The following NDUFAF6 variants were observed in gnomAD, a reference collection of about 807,000 sequenced individuals.
NDUFAF6 encodes NADH dehydrogenase (ubiquinone) complex I, assembly factor 6.
A neutral mutation model predicts 40.8 loss-of-function variants in NDUFAF6; 45 were observed. That is an observed-to-expected ratio of 1.10 (90% CI 0.87 to 1.42). The LOEUF (loss-of-function observed/expected upper bound fraction) is 1.42. NDUFAF6 is among the 40% of genes most tolerant of loss of function. The pLI, the probability that NDUFAF6 is intolerant of heterozygous loss-of-function variation, is 0.00. For missense variants in NDUFAF6, 435 were observed against 418.5 expected, an observed-to-expected ratio of 1.04 and a Z score of -0.34; for synonymous variants, 185 against 155.9, an observed-to-expected ratio of 1.19 and a Z score of -1.39.
At chr8:94,914,705 A>T (rs1172751505) in intron 1 of NDUFAF6, among the ~76,000 whole-genome samples, 3 of 152,120 alleles carry the variant, frequency 2.0e-5, no homozygotes, top group Admixed American at 6.5e-5. Context: ...CAGGTGGATC[A>T]CGGGAGTTCG....
At chr8:95,014,168 C>T (rs1827343752) in intron 2 of NDUFAF6, among the ~76,000 whole-genome samples, 1 of 152,208 alleles carries the variant, frequency 6.6e-6, no homozygotes, top group Admixed American at 6.5e-5. Flanking sequence ...GTGTTCAAGA[C>T]ACCCCAATTT....
chr8:94,905,058 G>A (rs1279329530), intron 1 of NDUFAF6, among the ~76,000 whole-genome samples: 11 of 151,978 alleles, frequency 7.2e-5, no homozygotes, highest in African/African-American at 2.4e-4. Flanking sequence ...CAATTATCTG[G>A]GCCCGGTGGT....
At chr8:94,978,486 TG>T (rs1825151719) in intron 1 of NDUFAF6, among the ~76,000 whole-genome samples, 1 of 152,002 alleles carries the variant, frequency 6.6e-6, no homozygotes, top group Non-Finnish European at 1.5e-5. Context: ...GAGGCCAAGG[TG>T]GGAGGATCAC....
At chr8:94,918,501 A>G (rs183744196) in intron 1 of NDUFAF6, among the ~76,000 whole-genome samples, 5 of 152,248 alleles carry the variant, frequency 3.3e-5, no homozygotes, top group South Asian at 4.1e-4. Flanking sequence ...TCTAGAGGCT[A>G]TTGTTACCCT....
At chr8:95,061,912 C>CT (rs1832580506), downstream of NDUFAF6, among the ~76,000 whole-genome samples, 1 of 152,070 alleles carries the variant, frequency 6.6e-6, no homozygotes, top group Admixed American at 6.5e-5. Flanking sequence ...AATCCTAGCA[C>CT]TTTAGGAGGC....
chr8:94,956,802 CT>C (rs1331935500), upstream of NDUFAF6, among the ~76,000 whole-genome samples: 11 of 152,126 alleles, frequency 7.2e-5, no homozygotes, highest in African/African-American at 2.7e-4. Flanking sequence ...GCTTAGTGGA[CT>C]GATGTGAAAT....
chr8:95,008,468 G>A (rs1179040379), intron 2 of NDUFAF6, among the ~76,000 whole-genome samples: 12 of 152,306 alleles, frequency 7.9e-5, no homozygotes, highest in Non-Finnish European at 1.6e-4. Flanking sequence ...TCCAGAGCTA[G>A]TACTAAAAAC....
At chr8:95,077,313 C>G (rs900901148), downstream of NDUFAF6, among the ~76,000 whole-genome samples, 2 of 152,196 alleles carry the variant, frequency 1.3e-5, no homozygotes, top group African/African-American at 4.8e-5. Context: ...GCCTTGTAAG[C>G]ACAGTCATTC....
At chr8:95,074,686 A>G (rs1159922772) in intron 9 of NDUFAF6, among the ~76,000 whole-genome samples, 1 of 152,052 alleles carries the variant, frequency 6.6e-6, no homozygotes, top group Non-Finnish European at 1.5e-5. Flanking sequence ...CTTAGTCACC[A>G]AGTTCTGTGG....
Position 95,025,191 on chromosome 8 carries a change from C to A in NDUFAF6, c.183C>A (p.Cys61Ter). The A allele has an allele frequency of 6.9e-7, 1 of 1,454,428 alleles. No homozygotes were observed. Among genetic ancestry groups the A allele is most frequent in the Non-Finnish European group, 9.0e-7 (1 of 1,115,722 alleles). 90.1% of individuals were successfully genotyped at this position (1,454,428 alleles called of 1,614,324 possible). Residue 61 changes from cysteine (C) to a stop codon, truncating the protein, a stop_gained, in exon 1 of 9, where the codon TGC (cysteine) becomes TGA (stop). Transcript: ENST00000396124. LOFTEE classifies it high-confidence loss of function. ...GPGAWGTDHY[C>*]LELLRKRDYE... ...GCGCCTGGGGCACTGACCACTACTG[C>A]CTGGAGCTGCTGCGGTGAGCGAGCA...
intron 1 of NDUFAF6, among the ~76,000 whole-genome samples, chr8:94,896,950 A>G (rs1817656213): frequency 6.6e-6 from 1 of 151,946 alleles, no homozygotes; most frequent in Non-Finnish European, 1.5e-5. Context: ...GTCCCAAGAA[A>G]CTTTCTGCCA....
chr8:94,930,239 T>C, intron 1 of NDUFAF6: 1 of 521,604 alleles, frequency 1.9e-6, no homozygotes, highest in Non-Finnish European at 3.3e-6. Flanking sequence ...TGTAATTATA[T>C]TGATATGTTT....
chr8:95,002,875 T>C (rs930898670), intron 2 of NDUFAF6, among the ~76,000 whole-genome samples: 6 of 152,292 alleles, frequency 3.9e-5, no homozygotes, highest in African/African-American at 1.4e-4. Context: ...ACTCAAATAA[T>C]GGGATTGTTG....
intron 4 of NDUFAF6, among the ~76,000 whole-genome samples, chr8:95,044,107 T>C (rs1830449024): frequency 1.3e-5 from 2 of 152,212 alleles, no homozygotes; most frequent in Non-Finnish European, 2.9e-5. Context: ...AATATGCTAA[T>C]TGAAAGAAGC....
chr8:94,949,517 C>T (rs377231776), intron 2 of NDUFAF6: 2 of 152,104 alleles, frequency 1.3e-5, no homozygotes, highest in African/African-American at 4.8e-5. Flanking sequence ...TGACCTGGCG[C>T]CCGGCCGGCG....
rs189410546 is a variant in NDUFAF6 at position 95,040,005 on chromosome 8, G to A, written c.421-1565G>A. On this transcript the variant is annotated intron_variant, in intron 3 of 8. Transcript: ENST00000396124. ...AATTTTCCATTCATATTCCAATTTT[G>A]TCAGATGACCTAATAATGTCTACAG... Among the ~76,000 whole-genome samples, 210 of 152,220 alleles carry A rather than the reference G, an allele frequency of 1.4e-3. No homozygotes were observed. The Middle Eastern group carries it at 0.02, about 15-fold the overall frequency.
intron 1 of NDUFAF6, among the ~76,000 whole-genome samples, chr8:94,935,128 T>TATAGATAGATAGATAGATAGATAG (rs56734843): frequency 1.2e-4 from 18 of 144,750 alleles, no homozygotes; most frequent in East Asian, 4.0e-4. Context: ...GGTAGATAGA[T>TATAGATAGATAGATAGATAGATAG]ATAGATAGAT....
intron 2 of NDUFAF6, among the ~76,000 whole-genome samples, chr8:95,092,194 T>G (rs1291277006): frequency 6.6e-6 from 1 of 151,236 alleles, no homozygotes; most frequent in Non-Finnish European, 1.5e-5. Context: ...TTTTTTTTTT[T>G]TTTTGAAATG....
chr8:94,996,575 C>T (rs1411361244), intron 2 of NDUFAF6, among the ~76,000 whole-genome samples: 1 of 152,056 alleles, frequency 6.6e-6, no homozygotes, highest in Admixed American at 6.6e-5. Context: ...AGCCTGGGTT[C>T]CAGTGACCTG....
Sources: gnomAD v4.1 joint callset for allele counts (sites outside exome capture counted in the v4.1 genomes callset) on GRCh38, gnomAD v4.1.1 for gene constraint, MANE v1.5 for transcripts, NCBI Gene and HGNC (gene_info 2026-07-23, HGNC 2026-07-21) for gene names.